RBFOX3: variants seen among roughly 807,000 people sequenced by gnomAD.
RBFOX3 encodes the protein RNA binding protein fox-1 homolog 3.
A neutral mutation model predicts 48.7 loss-of-function variants in RBFOX3; 17 were observed. The observed-to-expected ratio is 0.35, with a 90% CI of 0.24 to 0.52. The LOEUF (loss-of-function observed/expected upper bound fraction) is 0.52, where lower values mean the gene tolerates loss of function less well. RBFOX3 is among the 20% of genes least tolerant of loss of function. The pLI is 0.94. For missense variants in RBFOX3, 382 were observed against 497.5 expected (o/e 0.77, Z 2.21); for synonymous variants, 212 against 209.5 (o/e 1.01, Z -0.10).
At position 79,156,510 on chromosome 17, in the gene RBFOX3, C is replaced by T. The variant is rs78474907; in HGVS notation, c.-33-40762G>A. On this transcript the variant is annotated intron_variant, in intron 4 of 14. Coordinates refer to ENST00000693108, the MANE Select transcript of RBFOX3 (RefSeq NM_001350451.2). The stretch of plus-strand genomic sequence containing the variant: ...GGTTTCCTTGGCTGCCCTCACCCCT[C>T]TTCCACGTCTCCAGTTGGGCAGGCC... 1.1e-3 allele frequency among the ~76,000 whole-genome samples: 175 copies of T among 152,312 alleles called. 3 individuals carry two copies. The East Asian group carries it at 0.029, about 25-fold the overall frequency.
rs975208958 is a variant in RBFOX3, at chr17:79,362,644, C to A, written c.-174-54820G>T. On this transcript the variant is annotated intron_variant, in intron 2 of 14. Coordinates refer to ENST00000693108, the MANE Select transcript of RBFOX3 (RefSeq NM_001350451.2). This position sits in a 1 kb window ranked among gnomAD's most constrained non-coding sequence, Gnocchi z 4.2. The stretch of plus-strand genomic sequence containing the variant: ...CCTGGCGCCCCAGGAAAATGAGAGC[C>A]GGCCTGCCGGGCAATTGCTTCCTGT... 6.6e-6 allele frequency among the ~76,000 whole-genome samples: 1 copy of A among 152,194 alleles called. No individual in the cohort carries two copies. The highest frequency in any genetic ancestry group is 2.4e-5 in the African/African-American group (1 of 41,450).
intron 4 of RBFOX3, among the ~76,000 whole-genome samples, chr17:79,218,202 G>A (rs1159820271): frequency 6.6e-6 from 1 of 152,044 alleles, no homozygotes; most frequent in Non-Finnish European, 1.5e-5. Flanking sequence ...TCGAGCTGGC[G>A]AGGCTGGGAG....
chr17:79,107,304 A>G (rs538087140), intron 5 of RBFOX3, among the ~76,000 whole-genome samples: 4 of 152,242 alleles, frequency 2.6e-5, no homozygotes, highest in Middle Eastern at 6.8e-3. Flanking sequence ...TGCTTATTCC[A>G]GCCTGCTGCT....
In RBFOX3 at chr17:79,415,877, C is replaced by T. The variant is rs980821790; in HGVS notation, c.-175+66577G>A. 7.2e-5 allele frequency among the ~76,000 whole-genome samples: 11 copies of T among 152,078 alleles called. No individual in the cohort carries two copies. In the South Asian group the frequency reaches 2.1e-3, roughly 29 times the overall value. ...GGACTGCAGGGGTCTCTGAGCATGC[C>T]GCAGACCCCAGGGGAGCCCACACAC... On this transcript the variant is annotated intron_variant, in intron 2 of 14. Coordinates refer to ENST00000693108, the MANE Select transcript of RBFOX3 (RefSeq NM_001350451.2).
chr17:79,571,804 C>T (rs1052249609), intron 1 of RBFOX3, among the ~76,000 whole-genome samples: 1 of 152,040 alleles, frequency 6.6e-6, no homozygotes, highest in Non-Finnish European at 1.5e-5. Context: ...GACTCTAATC[C>T]AAGGATCCCT....
In RBFOX3 at chr17:79,199,226, T is replaced by G. The variant is rs577883219; in HGVS notation, c.-34+36540A>C. On this transcript the variant is annotated intron_variant, in intron 4 of 14. Coordinates refer to ENST00000693108, the MANE Select transcript of RBFOX3 (RefSeq NM_001350451.2). This position sits in a 1 kb window ranked among gnomAD's most constrained non-coding sequence, Gnocchi z 5.1. ...TGCCTTCTGAGAATGTAAAGGGCCT[T>G]TCGAAAAGACCTCCCTAGCCCCCCA... is the stretch of plus-strand genomic sequence containing the variant. 1.6e-3 allele frequency among the ~76,000 whole-genome samples: 245 copies of G among 152,152 alleles called. 1 individual carries two copies. The highest frequency in any genetic ancestry group is 5.2e-3 in the African/African-American group (214 of 41,508).
intron 2 of RBFOX3, among the ~76,000 whole-genome samples, chr17:79,468,423 A>G (rs2076592934): frequency 6.6e-6 from 1 of 152,066 alleles, no homozygotes; most frequent in South Asian, 2.1e-4. Context: ...GTAGACAGAT[A>G]CATAGATGGA....
intron 2 of RBFOX3, among the ~76,000 whole-genome samples, chr17:79,419,331 A>G (rs551731646): frequency 6.6e-6 from 1 of 152,300 alleles, no homozygotes; most frequent in East Asian, 1.9e-4. Flanking sequence ...GAAAATGTCC[A>G]TCATCAGAGG....
chr17:79,191,615 G>A (rs966048427), intron 4 of RBFOX3, among the ~76,000 whole-genome samples: 8 of 152,336 alleles, frequency 5.3e-5, no homozygotes, highest in Middle Eastern at 3.4e-3. Context: ...GACAGGGGCC[G>A]GGCCATGGAG....
At chr17:79,580,608 C>T (rs2093027079) in intron 1 of RBFOX3, among the ~76,000 whole-genome samples, 1 of 152,102 alleles carries the variant, frequency 6.6e-6, no homozygotes, top group South Asian at 2.1e-4. Context: ...CAGTAACAAA[C>T]AGCTGCCAAG....
chr17:79,460,920 A>C (rs9906995), intron 2 of RBFOX3, among the ~76,000 whole-genome samples: 6,766 of 152,298 alleles, frequency 0.044, 469 homozygotes, highest in African/African-American at 0.15. Flanking sequence ...ACAGCAACAC[A>C]GAATGGACTA....
intron 4 of RBFOX3, among the ~76,000 whole-genome samples, chr17:79,219,362 G>T (rs534166736): frequency 6.6e-6 from 1 of 152,364 alleles, no homozygotes; most frequent in East Asian, 1.9e-4. Flanking sequence ...ATGATCCGGG[G>T]ATATGCAGCC....
chr17:79,196,452 C>T (rs886846393), intron 4 of RBFOX3, among the ~76,000 whole-genome samples: 10 of 152,334 alleles, frequency 6.6e-5, no homozygotes, highest in Admixed American at 3.3e-4. Context: ...CTCTCAGTAT[C>T]GCATTCCCAC....
intron 1 of RBFOX3, among the ~76,000 whole-genome samples, chr17:79,566,152 T>C (rs2092446335): frequency 6.6e-6 from 1 of 152,192 alleles, no homozygotes; most frequent in Non-Finnish European, 1.5e-5. Flanking sequence ...AAGGTGCTGA[T>C]AGAGCCCTAT....
intron 4 of RBFOX3, among the ~76,000 whole-genome samples, chr17:79,125,178 T>C (rs1352697970): frequency 6.6e-6 from 1 of 152,168 alleles, no homozygotes; most frequent in Non-Finnish European, 1.5e-5. Context: ...AGGGCTTCCC[T>C]AGCCCAGGAC....
At chr17:79,534,526 C>T (rs2088370548) in intron 1 of RBFOX3, among the ~76,000 whole-genome samples, 1 of 152,184 alleles carries the variant, frequency 6.6e-6, no homozygotes, top group Non-Finnish European at 1.5e-5. Context: ...GCCAGACGCT[C>T]CCCAGGTCCT....
At chr17:79,217,018 C>A (rs1376534526) in intron 4 of RBFOX3, among the ~76,000 whole-genome samples, 3 of 152,212 alleles carry the variant, frequency 2.0e-5, no homozygotes, top group African/African-American at 7.2e-5. Context: ...ACCCCCAAAG[C>A]AGGCAGGGGG....
intron 5 of RBFOX3, among the ~76,000 whole-genome samples, chr17:79,110,826 C>T (rs2084751813): frequency 6.6e-6 from 1 of 152,274 alleles, no homozygotes; most frequent in Non-Finnish European, 1.5e-5. Flanking sequence ...CGACTGACGC[C>T]TCATCCACTC....
chr17:79,110,754 T>C (rs1402041611), intron 5 of RBFOX3, among the ~76,000 whole-genome samples: 1 of 152,196 alleles, frequency 6.6e-6, no homozygotes, highest in African/African-American at 2.4e-5. Flanking sequence ...CCACGTGGCA[T>C]TTGAAGAACA....
Sources: allele counts gnomAD v4.1 joint callset (sites outside exome capture counted in the v4.1 genomes callset), GRCh38; gene constraint gnomAD v4.1.1; non-coding constraint Gnocchi (gnomAD v3.1); transcripts MANE v1.5; gene names NCBI Gene and HGNC (gene_info 2026-07-23, HGNC 2026-07-21).